The following TENM3 variants were observed in gnomAD, a reference collection of about 807,000 sequenced individuals.
The protein encoded by TENM3 is teneurin transmembrane protein 3, also known as teneurin-3.
In TENM3, 63 loss-of-function variants were observed where a neutral mutation model predicts 255.1. The observed-to-expected ratio is 0.25, with a 90% CI of 0.20 to 0.30. TENM3 has a LOEUF of 0.30. TENM3 is among the 10% of genes least tolerant of loss of function. The pLI is 1.00. For synonymous variants in TENM3, 1,306 were observed against 1,322.3 expected (o/e 0.99, Z 0.27); for missense variants, 2,929 against 3,461.1 (o/e 0.85, Z 3.86).
the TENM3 span, among the ~76,000 whole-genome samples, chr4:181,784,102 TA>T: frequency 3.3e-5 from 5 of 152,236 alleles, no homozygotes; most frequent in Non-Finnish European, 7.4e-5. Flanking sequence ...CAAAGAAAAA[TA>T]GCTGCAATAA....
intron 3 of TENM3, 103 bp from the exon 4 acceptor site, chr4:182,600,821 C>CT: frequency 1.8e-6 from 1 of 548,010 alleles, no homozygotes; most frequent in Non-Finnish European, 3.0e-6. Flanking sequence ...GTTTTTAATT[C>CT]TAATTCATCT....
the TENM3 span, among the ~76,000 whole-genome samples, chr4:181,778,847 G>A: frequency 1.3e-5 from 2 of 152,130 alleles, no homozygotes; most frequent in Non-Finnish European, 2.9e-5. Flanking sequence ...TCAGGTTGAT[G>A]AATGTCCTTA....
At chr4:182,610,905 A>C (rs1748936183) in intron 4 of TENM3, among the ~76,000 whole-genome samples, 1 of 143,902 alleles carries the variant, frequency 6.9e-6, no homozygotes, top group Non-Finnish European at 1.5e-5. Flanking sequence ...CACCATGCCC[A>C]GCTAATTTTT....
chr4:182,550,972 G>A (rs1257702734), intron 3 of TENM3, among the ~76,000 whole-genome samples: 1 of 152,168 alleles, frequency 6.6e-6, no homozygotes, highest in Non-Finnish European at 1.5e-5. Flanking sequence ...TGTAATCCCA[G>A]CACTTTGGGA....
the TENM3 span, among the ~76,000 whole-genome samples, chr4:181,842,120 CTAAA>C: frequency 4.6e-5 from 7 of 151,954 alleles, no homozygotes; most frequent in Admixed American, 1.3e-4. Flanking sequence ...AGCATTGTTA[CTAAA>C]TAAATTAAAA....
intron 5 of TENM3, chr4:182,631,797 G>A (rs150433776): frequency 4.6e-5 from 7 of 152,224 alleles, no homozygotes; most frequent in African/African-American, 1.7e-4. Context: ...TTAAAAAAGA[G>A]CTTGAGGAAT....
chr4:182,386,592 G>A (rs1044748831), intron 3 of TENM3, among the ~76,000 whole-genome samples: 7 of 152,322 alleles, frequency 4.6e-5, no homozygotes, highest in South Asian at 2.1e-4. Flanking sequence ...GGGGCTGCGC[G>A]CAGCGCTTGC....
chr4:182,767,555 C>A (rs745552742), intron 22 of TENM3, among the ~76,000 whole-genome samples: 1 of 152,078 alleles, frequency 6.6e-6, no homozygotes, highest in Non-Finnish European at 1.5e-5. Context: ...AGAAAAGATT[C>A]TCCCTCTGTA....
chr4:181,987,409 C>T, the TENM3 span, among the ~76,000 whole-genome samples: 2 of 152,144 alleles, frequency 1.3e-5, no homozygotes, highest in Non-Finnish European at 2.9e-5. Context: ...CTGACTGCAG[C>T]GCTAAACAAT....
the TENM3 span, among the ~76,000 whole-genome samples, chr4:181,605,375 C>T: frequency 6.6e-6 from 1 of 150,646 alleles, no homozygotes; most frequent in Non-Finnish European, 1.5e-5. Flanking sequence ...ACCTGGAAGG[C>T]GGAGGTTGCA....
chr4:182,586,880 TTAA>T (rs1746072629), intron 3 of TENM3, among the ~76,000 whole-genome samples: 1 of 152,168 alleles, frequency 6.6e-6, no homozygotes, highest in Non-Finnish European at 1.5e-5. Context: ...AACTGCAAAA[TTAA>T]TATATTTTTG....
chr4:181,954,313 A>G, the TENM3 span, among the ~76,000 whole-genome samples: 1 of 152,314 alleles, frequency 6.6e-6, no homozygotes, highest in East Asian at 1.9e-4. Flanking sequence ...TGAGTCATAT[A>G]CTAAATATAT....
intron 3 of TENM3, among the ~76,000 whole-genome samples, chr4:182,444,016 A>G (rs963179206): frequency 6.6e-6 from 1 of 152,254 alleles, no homozygotes; most frequent in Non-Finnish European, 1.5e-5. Context: ...TGAAATAAAT[A>G]TGTCTATTGT....
chr4:182,754,445 C>G lies in TENM3; in HGVS notation c.4078C>G (p.Leu1360Val). The change falls in exon 22 of 28, where the codon CTG becomes GTG. Residue 1360 changes from leucine to valine, a missense_variant. This residue lies in a region of TENM3 where 1,608 missense variants were observed against 1,884.4 expected (regional missense o/e 0.85). Coordinates refer to ENST00000511685, the MANE Select transcript of TENM3 (RefSeq NM_001080477.4). The surrounding 1 kb of genome is among the most constrained non-coding windows in gnomAD (Gnocchi z 5.1). ...INPMDNSIYVLDNNVVLQITE... is the reference protein window; with the variant it reads ...INPMDNSIYVVDNNVVLQITE... Reference sequence around the variant, plus strand: ...CCCTATGGATAACTCCATTTATGTCCTGGATAATAATGTAGTTTTACAGAT... The same window carrying G: ...CCCTATGGATAACTCCATTTATGTCGTGGATAATAATGTAGTTTTACAGAT... 1.2e-6 allele frequency: 2 copies of G among 1,611,260 alleles called. No individual in the cohort carries two copies. Among genetic ancestry groups the G allele is most frequent in the Non-Finnish European group, 1.7e-6 (2 of 1,178,558 alleles).
the TENM3 span, among the ~76,000 whole-genome samples, chr4:181,919,110 C>T: frequency 8.9e-3 from 1,361 of 152,176 alleles, 13 homozygotes; most frequent in African/African-American, 0.03. Context: ...AGAATTCCTT[C>T]GGGAAGTTGT....
chr4:182,799,997 C>A lies in TENM3; in HGVS notation c.7746C>A (p.Ser2582=). ...GCATCAACGTGACGGTGTCGCAGTC[C>A]ACCACGGTGGTGAACGGCAGGACGC... ...ENGINVTVSQ[S]TTVVNGRTRR... Residue 2582 remains serine, a synonymous_variant, in exon 28 of 28, where the codon TCC becomes TCA. Coordinates refer to ENST00000511685, the MANE Select transcript of TENM3 (RefSeq NM_001080477.4). This position sits in a 1 kb window ranked among gnomAD's most constrained non-coding sequence, Gnocchi z 4.2. The A allele has an allele frequency of 6.3e-7, 1 of 1,593,304 alleles. No individual in the cohort carries two copies. The highest frequency in any genetic ancestry group is 1.3e-5 in the African/African-American group (1 of 74,632).
intron 3 of TENM3, among the ~76,000 whole-genome samples, chr4:182,463,104 A>G (rs1732212012): frequency 2.0e-5 from 3 of 152,272 alleles, no homozygotes; most frequent in Admixed American, 2.0e-4. Flanking sequence ...ATCCTCGTGT[A>G]CATGGTCCCA....
At chr4:181,942,992 T>G in the TENM3 span, among the ~76,000 whole-genome samples, 1 of 152,148 alleles carries the variant, frequency 6.6e-6, no homozygotes, top group Non-Finnish European at 1.5e-5. Context: ...ATAAAGACAA[T>G]CTTGGCATAT....
At chr4:181,753,530 G>GAAA in the TENM3 span, among the ~76,000 whole-genome samples, 5 of 145,370 alleles carry the variant, frequency 3.4e-5, no homozygotes, top group Non-Finnish European at 1.5e-5. Context: ...TTGCAAAAAT[G>GAAA]AAAAAAAAAA....
Sources: allele counts gnomAD v4.1 joint callset (sites outside exome capture counted in the v4.1 genomes callset), GRCh38; gene constraint gnomAD v4.1.1; regional missense constraint gnomAD v4.1.1; non-coding constraint Gnocchi (gnomAD v3.1); transcripts MANE v1.5; gene names NCBI Gene and HGNC (gene_info 2026-07-23, HGNC 2026-07-21).